Variants in MACROD2 observed in about 807,000 individuals in gnomAD.
The protein encoded by MACROD2 is ADP-ribose glycohydrolase MACROD2.
In MACROD2, 36 loss-of-function variants were observed where a neutral mutation model predicts 70.4. The observed-to-expected ratio is 0.51, with a 90% CI of 0.39 to 0.68. The LOEUF is 0.68. Among genes scored for constraint, MACROD2 ranks in the 30% least tolerant of loss-of-function variants. The pLI, the probability that MACROD2 is intolerant of heterozygous loss-of-function variation, is 0.00. For missense variants in MACROD2, 496 were observed against 538.4 expected, an observed-to-expected ratio of 0.92 and a Z score of 0.78; for synonymous variants, 172 against 178.8, an observed-to-expected ratio of 0.96 and a Z score of 0.30.
intron 5 of MACROD2, chr20:15,196,848 C>T (rs1201741301): frequency 4.1e-6 from 4 of 985,226 alleles, no homozygotes; most frequent in Non-Finnish European, 3.6e-6. Context: ...TTATCCATAC[C>T]AGATATGCCA....
rs147158994 is a variant in MACROD2, at chr20:14,402,019, T to C, written c.272-91460T>C. Among the ~76,000 whole-genome samples the C allele has an allele frequency of 3.6e-4, 55 of 152,312 alleles. No homozygotes were observed. In the East Asian group the frequency reaches 6.8e-3, roughly 19 times the overall value. On this transcript the variant is annotated intron_variant, in intron 3 of 17. Coordinates refer to ENST00000684519, the MANE Select transcript of MACROD2 (RefSeq NM_001351661.2). ...CTGCAGGCTTTGTCAATTATTTTAA[T>C]ATACTTAGATATAGAAATATTTTCA...
intron 5 of MACROD2, among the ~76,000 whole-genome samples, chr20:15,119,231 C>T (rs1407070326): frequency 6.6e-6 from 1 of 152,146 alleles, no homozygotes; most frequent in South Asian, 2.1e-4. Flanking sequence ...TTTTGCCTAT[C>T]TAGTTTCAAT....
intron 10 of MACROD2, among the ~76,000 whole-genome samples, chr20:15,908,443 A>G (rs1393169558): frequency 1.3e-5 from 2 of 152,088 alleles, no homozygotes; most frequent in African/African-American, 4.8e-5. Flanking sequence ...ACTTTCCTTG[A>G]TTGATTCCCT....
chr20:14,461,663 AC>A (rs893985593), intron 3 of MACROD2, among the ~76,000 whole-genome samples: 2 of 91,504 alleles, frequency 2.2e-5, no homozygotes, highest in Non-Finnish European at 4.6e-5. Flanking sequence ...CCCCACCCCC[AC>A]CCCACAACAG....
intron 6 of MACROD2, among the ~76,000 whole-genome samples, chr20:15,362,373 G>A (rs2078362848): frequency 6.6e-6 from 1 of 151,966 alleles, no homozygotes; most frequent in African/African-American, 2.4e-5. Context: ...CCTTATTTCA[G>A]TCTTAGGAAA....
chr20:15,465,681 G>A (rs563347914), intron 7 of MACROD2, among the ~76,000 whole-genome samples: 78 of 152,344 alleles, frequency 5.1e-4, no homozygotes, highest in African/African-American at 1.8e-3. Context: ...CCTGCAGGTC[G>A]GGAGGAAGGG....
At chr20:15,273,085 A>C (rs1332801592) in intron 6 of MACROD2, among the ~76,000 whole-genome samples, 4 of 152,158 alleles carry the variant, frequency 2.6e-5, no homozygotes, top group Non-Finnish European at 4.4e-5. Flanking sequence ...GAAGGATACA[A>C]GGTATTGATC....
At chr20:14,390,342 C>T (rs1203279367) in intron 3 of MACROD2, among the ~76,000 whole-genome samples, 1 of 152,098 alleles carries the variant, frequency 6.6e-6, no homozygotes, top group Non-Finnish European at 1.5e-5. Context: ...AGATTCAGTG[C>T]CATTTCTATT....
intron 3 of MACROD2, among the ~76,000 whole-genome samples, chr20:14,270,367 G>C (rs948919738): frequency 6.6e-6 from 1 of 152,070 alleles, no homozygotes; most frequent in Admixed American, 6.5e-5. Flanking sequence ...TGAGGTGGGC[G>C]GATCACGAGG....
chr20:15,688,871 G>A lies in MACROD2; in HGVS notation c.646-173874G>A, dbSNP rs559570371. 1.6e-4 allele frequency among the ~76,000 whole-genome samples: 24 copies of A among 152,314 alleles called. 1 individual carries two copies. The highest frequency in any genetic ancestry group is 3.1e-4 in the African/African-American group (13 of 41,572). ...AACGTAAGGTGAAATCTTAACAACGGTTAGTAATGCTTTTTAATAAGCAGC... is the reference window on the plus strand; with the variant it reads ...AACGTAAGGTGAAATCTTAACAACGATTAGTAATGCTTTTTAATAAGCAGC... On this transcript the variant is annotated intron_variant, in intron 8 of 17. Coordinates refer to ENST00000684519, the MANE Select transcript of MACROD2 (RefSeq NM_001351661.2).
chr20:14,638,441 A>G (rs6042830), intron 4 of MACROD2, among the ~76,000 whole-genome samples: 15,219 of 151,708 alleles, frequency 0.1, 1,480 homozygotes, highest in African/African-American at 0.25. Flanking sequence ...AATTTAGGCC[A>G]CTCTAGAGAT....
At position 15,972,270 on chromosome 20, in the gene MACROD2, T is replaced by C. The variant is rs142034381; in HGVS notation, c.985+4640T>C. On this transcript the variant is annotated intron_variant, in intron 13 of 17. Transcript: ENST00000684519. Reference sequence around the variant, plus strand: ...TAATTACAATATAAATGAATGTGAATCTCTGAGGGTGAATGTGGGAGAAAG... The same window carrying C: ...TAATTACAATATAAATGAATGTGAACCTCTGAGGGTGAATGTGGGAGAAAG... 2.5e-3 allele frequency among the ~76,000 whole-genome samples: 376 copies of C among 152,134 alleles called. 3 individuals carry two copies. The highest frequency in any genetic ancestry group is 8.7e-3 in the African/African-American group (360 of 41,496).
At chr20:14,595,502 C>T (rs1471504601) in intron 4 of MACROD2, among the ~76,000 whole-genome samples, 1 of 152,112 alleles carries the variant, frequency 6.6e-6, no homozygotes, top group Non-Finnish European at 1.5e-5. Context: ...CCCGGGAACC[C>T]CCTTACACTT....
intron 5 of MACROD2, among the ~76,000 whole-genome samples, chr20:14,815,764 A>AT (rs1009874090): frequency 1.3e-5 from 2 of 151,986 alleles, no homozygotes; most frequent in African/African-American, 4.8e-5. Flanking sequence ...ACATAGTAAC[A>AT]TTTTTTGTTT....
intron 17 of MACROD2, among the ~76,000 whole-genome samples, chr20:16,046,169 T>C (rs2067378089): frequency 6.6e-6 from 1 of 152,152 alleles, no homozygotes; most frequent in Non-Finnish European, 1.5e-5. Context: ...TCCAGCATCA[T>C]GGAAGAATAA....
At position 15,556,394 on chromosome 20, in the gene MACROD2, T is replaced by C. The variant is rs6110671; in HGVS notation, c.645+56547T>C. 7.7e-3 allele frequency among the ~76,000 whole-genome samples: 1,166 copies of C among 152,280 alleles called. 23 individuals are homozygous for C. The highest frequency in any genetic ancestry group is 0.027 in the African/African-American group (1,122 of 41,550). The stretch of plus-strand genomic sequence containing the variant: ...ATACTAAGACATCTGGTTTTTTTTT[T>C]CCCAAAATCTTTGCTTAAACTGAAG... On this transcript the variant is annotated intron_variant, in intron 8 of 17. Transcript: ENST00000684519.
chr20:15,334,094 C>T (rs2078022363), intron 6 of MACROD2, among the ~76,000 whole-genome samples: 1 of 151,702 alleles, frequency 6.6e-6, no homozygotes, highest in African/African-American at 2.4e-5. Context: ...GACACAAGTT[C>T]TTTGTCCCCT....
At chr20:15,983,759 A>G (rs760770433) in intron 13 of MACROD2, among the ~76,000 whole-genome samples, 2 of 152,218 alleles carry the variant, frequency 1.3e-5, no homozygotes, top group African/African-American at 2.4e-5. Context: ...CATGTGCACA[A>G]TCATAACAAT....
chr20:15,256,549 A>T (rs1257314274), intron 6 of MACROD2, among the ~76,000 whole-genome samples: 1 of 152,052 alleles, frequency 6.6e-6, no homozygotes, highest in Non-Finnish European at 1.5e-5. Flanking sequence ...AGTCCCAATT[A>T]TATAGTAACT....
Sources: allele counts gnomAD v4.1 joint callset (sites outside exome capture counted in the v4.1 genomes callset), GRCh38; gene constraint gnomAD v4.1.1; transcripts MANE v1.5; gene names NCBI Gene and HGNC (gene_info 2026-07-23, HGNC 2026-07-21).